Variants in FBN2 observed in about 807,000 individuals in gnomAD.
FBN2 encodes fibrillin-2.
Under a neutral mutation model 355.6 loss-of-function variants are expected in FBN2, and 105 were observed. That is an observed-to-expected ratio of 0.30 (90% CI 0.25 to 0.35). The LOEUF is 0.35. Among genes scored for constraint, FBN2 ranks in the 10% least tolerant of loss-of-function variants. FBN2 has a pLI of 1.00. For synonymous variants in FBN2, 1,350 were observed against 1,301.2 expected (o/e 1.04, Z -0.81); for missense variants, 3,280 against 3,758.7 (o/e 0.87, Z 3.33).
chr5:128,475,312 A>G (rs1754980858), intron 5 of FBN2, among the ~76,000 whole-genome samples: 1 of 152,192 alleles, frequency 6.6e-6, no homozygotes, highest in African/African-American at 2.4e-5. Context: ...TAGTATTGGT[A>G]GTGAGAAAAT....
intron 4 of FBN2, among the ~76,000 whole-genome samples, chr5:128,522,986 T>C (rs1756476076): frequency 6.6e-6 from 1 of 152,152 alleles, no homozygotes; most frequent in African/African-American, 2.4e-5. Flanking sequence ...AACACACTGT[T>C]TTTCCTGTGT....
Position 128,507,500 on chromosome 5 carries a change from T to G in FBN2, c.628+11773A>C, listed in dbSNP as rs544542954. ...TACTGCTAAACTTTTTAAGTTCATA[T>G]TATTTTTTGTTGTACTGTTATTTTT... On this transcript the variant is annotated intron_variant, in intron 5 of 64. Transcript: ENST00000262464. 5.3e-5 allele frequency among the ~76,000 whole-genome samples: 8 copies of G among 152,186 alleles called. No homozygotes were observed. The South Asian group carries it at 1.7e-3, about 32-fold the overall frequency.
intron 12 of FBN2, 29 bp downstream of exon 12, chr5:128,378,742 T>A (rs781137617): frequency 2.0e-5 from 33 of 1,611,886 alleles, no homozygotes; most frequent in Non-Finnish European, 2.5e-5. Context: ...TCATGGAACA[T>A]TTTCATATGT....
At chr5:128,395,570 G>C (rs567923435) in intron 8 of FBN2, among the ~76,000 whole-genome samples, 115 of 152,318 alleles carry the variant, frequency 7.5e-4, no homozygotes, top group Middle Eastern at 6.8e-3. Context: ...GCGCACTGTT[G>C]TATGTCACTG....
Position 128,537,674 on chromosome 5 carries a change from C to T in FBN2, c.-71G>A. ...GATCAAAGACAAAATCTGCGCGCCT[C>T]AGAAAAGAGTCAGGGTCTAATAAGC... On this transcript the variant is annotated 5_prime_UTR_variant, in exon 1 of 65. Transcript: ENST00000262464. 2 of 1,474,500 alleles carry T rather than the reference C, an allele frequency of 1.4e-6. No homozygotes were observed. Among genetic ancestry groups the T allele is most frequent in the Non-Finnish European group, 1.9e-6 (2 of 1,074,946 alleles). 91.3% of individuals were successfully genotyped at this position (1,474,500 alleles called of 1,614,324 possible). A position where few individuals can be genotyped will look rare whatever the true frequency, so the allele number is the denominator to read the frequency against.
chr5:128,388,525 G>C (rs1400523303), intron 11 of FBN2, among the ~76,000 whole-genome samples: 1 of 152,184 alleles, frequency 6.6e-6, no homozygotes, highest in African/African-American at 2.4e-5. Context: ...TCTTGGTAAG[G>C]CAGGTCTGGT....
chr5:128,341,901 T>C (rs996376367), intron 25 of FBN2, among the ~76,000 whole-genome samples: 4 of 152,174 alleles, frequency 2.6e-5, no homozygotes, highest in African/African-American at 9.7e-5. Flanking sequence ...CATAACTTTT[T>C]CACTTTGGGA....
At position 128,481,869 on chromosome 5, in the gene FBN2, C is replaced by T. The variant is rs190488232; in HGVS notation, c.629-16948G>A. 2.5e-3 allele frequency among the ~76,000 whole-genome samples: 377 copies of T among 152,226 alleles called. 1 individual carries two copies. The highest frequency in any genetic ancestry group is 4.1e-3 in the Non-Finnish European group (280 of 68,022). On this transcript the variant is annotated intron_variant, in intron 5 of 64. Transcript: ENST00000262464. Reference sequence around the variant, plus strand: ...TAGTTGTACCTATCGTGTTTCTGCTCGGTAAGCAGATTCTTCCCATTCTTA... The same window carrying T: ...TAGTTGTACCTATCGTGTTTCTGCTTGGTAAGCAGATTCTTCCCATTCTTA...
chr5:128,528,147 C>T (rs1261245516), intron 3 of FBN2, among the ~76,000 whole-genome samples, 180 bp from the exon 4 acceptor site: 1 of 152,068 alleles, frequency 6.6e-6, no homozygotes, highest in Admixed American at 6.6e-5. Context: ...CACACATGGG[C>T]ATATCTGTGA....
chr5:128,528,040 A>C, intron 3 of FBN2, 73 bp from the exon 4 acceptor site: 1 of 941,088 alleles, frequency 1.1e-6, no homozygotes, highest in South Asian at 1.4e-5. Flanking sequence ...AGGTTATAAA[A>C]CTATAAACTC....
At chr5:128,337,665 T>C (rs1750881398) in intron 27 of FBN2, among the ~76,000 whole-genome samples, 1 of 152,236 alleles carries the variant, frequency 6.6e-6, no homozygotes, top group Non-Finnish European at 1.5e-5. Context: ...GGGAAGACGC[T>C]GGGCAAAGGT....
chr5:128,306,809 A>T (rs1360176275), intron 42 of FBN2, among the ~76,000 whole-genome samples: 1 of 152,212 alleles, frequency 6.6e-6, no homozygotes, highest in Non-Finnish European at 1.5e-5. Context: ...AATAGCAACT[A>T]AAGGTTAAAA....
chr5:128,458,607 C>T (rs1488137373), intron 6 of FBN2, among the ~76,000 whole-genome samples: 1 of 152,002 alleles, frequency 6.6e-6, no homozygotes, highest in Admixed American at 6.6e-5. Flanking sequence ...TCTCTCAGAC[C>T]ACAATGCAAT....
At position 128,330,562 on chromosome 5, in the gene FBN2, C is replaced by G. The variant is rs1367534934; in HGVS notation, c.4345+11G>C. On this transcript the variant is annotated intron_variant, in intron 33 of 64. Transcript: ENST00000262464. ...CATCCCGTCAGAGCACACCTCAGGA[C>G]TGTCACCCACCTGAGCAGGTAAAGC... is the stretch of plus-strand genomic sequence containing the variant. The G allele has an allele frequency of 1.2e-6, 2 of 1,613,764 alleles. No homozygotes were observed. The highest frequency in any genetic ancestry group is 1.7e-6 in the Non-Finnish European group (2 of 1,179,800).
chr5:128,395,316 C>T, intron 8 of FBN2, 42 bp from the exon 9 acceptor site: 5 of 1,609,460 alleles, frequency 3.1e-6, no homozygotes, highest in East Asian at 2.2e-5. Context: ...GCAGAATTAC[C>T]TCAGGTTCTT....
At chr5:128,318,788 A>G in intron 35 of FBN2, 91 bp downstream of exon 35, 2 of 1,358,550 alleles carry the variant, frequency 1.5e-6, no homozygotes, top group Non-Finnish European at 2.1e-6. Context: ...TGCATAGATT[A>G]GCTAAGCAGA....
intron 38 of FBN2, 23 bp from the exon 39 acceptor site, chr5:128,311,448 C>T: frequency 6.2e-7 from 1 of 1,613,316 alleles, no homozygotes; most frequent in South Asian, 1.1e-5. Flanking sequence ...AGACAGTGCA[C>T]TTAAAACAAA....
chr5:128,467,395 C>T (rs778702454), intron 5 of FBN2, among the ~76,000 whole-genome samples: 7 of 152,090 alleles, frequency 4.6e-5, no homozygotes, highest in Non-Finnish European at 8.8e-5. Context: ...TAACTAAATA[C>T]TTTAAAATTT....
intron 42 of FBN2, among the ~76,000 whole-genome samples, chr5:128,306,824 G>A (rs1033231712): frequency 2.6e-5 from 4 of 152,046 alleles, no homozygotes; most frequent in African/African-American, 9.7e-5. Context: ...TTAAAATAAG[G>A]TAGATTATTT....
Sources: gnomAD v4.1 joint callset for allele counts (sites outside exome capture counted in the v4.1 genomes callset) on GRCh38, gnomAD v4.1.1 for gene constraint, MANE v1.5 for transcripts, NCBI Gene and HGNC (gene_info 2026-07-23, HGNC 2026-07-21) for gene names.